Variants in ALKAL1 observed in about 807,000 individuals in gnomAD.
The protein encoded by ALKAL1 is AUG-beta.
A neutral mutation model predicts 13.5 loss-of-function variants in ALKAL1; 23 were observed. The observed-to-expected ratio is 1.70, with a 90% CI of 1.23 to 2.41. ALKAL1 has a LOEUF of 2.41. ALKAL1 is among the 30% of genes most tolerant of loss of function. The pLI is 0.00. For missense variants in ALKAL1, 181 were observed against 178.4 expected, an observed-to-expected ratio of 1.01 and a Z score of -0.08; for synonymous variants, 85 against 77.7, an observed-to-expected ratio of 1.09 and a Z score of -0.49.
intron 1 of ALKAL1, among the ~76,000 whole-genome samples, chr8:52,556,815 T>C (rs1847489044): frequency 6.6e-6 from 1 of 152,172 alleles, no homozygotes; most frequent in African/African-American, 2.4e-5. Flanking sequence ...CCTTTCTTTC[T>C]TGTGAAGTAT....
At chr8:52,540,416 C>A (rs929669118) in intron 2 of ALKAL1, among the ~76,000 whole-genome samples, 1 of 152,108 alleles carries the variant, frequency 6.6e-6, no homozygotes, top group Non-Finnish European at 1.5e-5. Flanking sequence ...CCTTTTAAAT[C>A]CAAGGTGGGC....
At chr8:52,546,760 A>C (rs541442598) in intron 1 of ALKAL1, among the ~76,000 whole-genome samples, 1 of 152,346 alleles carries the variant, frequency 6.6e-6, no homozygotes, top group South Asian at 2.1e-4. Context: ...GTAAGGGATA[A>C]ATATGTCTGC....
At chr8:52,535,592 G>GA (rs1034008636) in intron 4 of ALKAL1, among the ~76,000 whole-genome samples, 3 of 123,568 alleles carry the variant, frequency 2.4e-5, no homozygotes, top group Admixed American at 8.0e-5. Flanking sequence ...AAGAAAGAAA[G>GA]AAAAAAAAGC....
intron 1 of ALKAL1, among the ~76,000 whole-genome samples, chr8:52,543,360 C>G (rs12546704): frequency 0.21 from 31,320 of 152,122 alleles, 4,013 homozygotes; most frequent in East Asian, 0.65. Context: ...ACTTCGCCAG[C>G]ACAAGGCAGT....
intron 4 of ALKAL1, among the ~76,000 whole-genome samples, chr8:52,537,352 C>A (rs901527947): frequency 3.3e-5 from 5 of 152,048 alleles, no homozygotes; most frequent in Admixed American, 2.0e-4. Context: ...GAAAAAGGAA[C>A]CTTTATATAC....
intron 1 of ALKAL1, among the ~76,000 whole-genome samples, chr8:52,563,290 G>A (rs570331245): frequency 1.3e-5 from 2 of 152,182 alleles, no homozygotes; most frequent in Admixed American, 6.5e-5. Flanking sequence ...AAAATTAGCC[G>A]GGCGTGGTGG....
At chr8:52,560,551 T>A (rs1324374598) in intron 1 of ALKAL1, among the ~76,000 whole-genome samples, 1 of 152,226 alleles carries the variant, frequency 6.6e-6, no homozygotes, top group Non-Finnish European at 1.5e-5. Flanking sequence ...GTTTTAATCC[T>A]AGGTTTTCCT....
At chr8:52,544,346 A>G (rs1381222813) in intron 1 of ALKAL1, among the ~76,000 whole-genome samples, 1 of 152,222 alleles carries the variant, frequency 6.6e-6, no homozygotes, top group Admixed American at 6.5e-5. Context: ...TTAAGTTGAC[A>G]CCCGAAGTAA....
chr8:52,564,985 C>A, intron 1 of ALKAL1, 82 bp downstream of exon 1: 2 of 1,142,474 alleles, frequency 1.8e-6, no homozygotes, highest in South Asian at 2.8e-5. Context: ...CTTCCCAAAG[C>A]GAGTGCCTCG....
At chr8:52,556,504 G>A (rs1380429857) in intron 1 of ALKAL1, among the ~76,000 whole-genome samples, 3 of 151,638 alleles carry the variant, frequency 2.0e-5, no homozygotes, top group Admixed American at 6.6e-5. Flanking sequence ...AAAATTAGCC[G>A]GGCGTGGTGG....
chr8:52,560,272 G>C (rs1184782154), intron 1 of ALKAL1, among the ~76,000 whole-genome samples: 1 of 152,040 alleles, frequency 6.6e-6, no homozygotes, highest in African/African-American at 2.4e-5. Flanking sequence ...TTTCACGTAT[G>C]ATATAAATAT....
chr8:52,546,549 G>T (rs550879234), intron 1 of ALKAL1, among the ~76,000 whole-genome samples: 65 of 152,200 alleles, frequency 4.3e-4, no homozygotes, highest in Non-Finnish European at 7.6e-4. Flanking sequence ...TTAGCTCATA[G>T]CTTATGCCCC....
chr8:52,563,693 C>T (rs1036855646), intron 1 of ALKAL1, among the ~76,000 whole-genome samples: 10 of 152,184 alleles, frequency 6.6e-5, no homozygotes, highest in Non-Finnish European at 1.0e-4. Context: ...GCTGCATGGC[C>T]GTGCTGCGGA....
At position 52,542,402 on chromosome 8, in the gene ALKAL1, C is replaced by T; in HGVS notation, c.234G>A (p.Lys78=). The T allele has an allele frequency of 6.5e-7, 1 of 1,541,424 alleles. No individual in the cohort carries two copies. Among genetic ancestry groups the T allele is most frequent in the East Asian group, 2.2e-5 (1 of 44,492 alleles). ...ACATTTTGTACTTACCTGTGAAATG[C>T]TTTATGAATTTGTCTTTTAAGTTAG... is the stretch of plus-strand genomic sequence containing the variant. ...RDSNLKDKFI[K]HFTGPVTFSP... Residue 78 remains lysine, a synonymous_variant, in exon 2 of 5, where the codon AAG becomes AAA. Coordinates refer to ENST00000358543, the MANE Select transcript of ALKAL1 (RefSeq NM_207413.4).
At position 52,538,476 on chromosome 8, in the gene ALKAL1, T is replaced by C. The variant is rs373158587; in HGVS notation, c.357A>G (p.Arg119=). The C allele has an allele frequency of 2.8e-5, 45 of 1,610,992 alleles. 1 individual carries two copies. In the East Asian group the frequency reaches 4.5e-4, roughly 16 times the overall value. Reference sequence around the variant, plus strand: ...GGGAGCACAGTGGACTCACTGCTAATCTTGTTAACAATCTAGCACATCTTT... The same window carrying C: ...GGGAGCACAGTGGACTCACTGCTAACCTTGTTAACAATCTAGCACATCTTT... ...YYKRCARLLT[R]LAVSPLCSQT is the part of the protein sequence containing the mutation. Residue 119 remains arginine (R), a synonymous_variant, in exon 4 of 5, where the codon AGA becomes AGG. Transcript: ENST00000358543.
In ALKAL1 at chr8:52,552,115, G is replaced by A. The variant is rs74737205; in HGVS notation, c.191-9670C>T. Among the ~76,000 whole-genome samples, 261 of 152,202 alleles carry A rather than the reference G, an allele frequency of 1.7e-3. 2 individuals are homozygous for A. In the East Asian group the frequency reaches 0.04, roughly 23 times the overall value. Reference sequence around the variant, plus strand: ...ATGTCTCCTTAGGCGCCTCTTGGCCGTGATAGTCTCTCAAAATTTCCTTGT... The same window carrying A: ...ATGTCTCCTTAGGCGCCTCTTGGCCATGATAGTCTCTCAAAATTTCCTTGT... On this transcript the variant is annotated intron_variant, in intron 1 of 4. Transcript: ENST00000358543.
rs543868597 is a variant in ALKAL1 at position 52,553,174 on chromosome 8, T to C, written c.191-10729A>G. 5.3e-5 allele frequency among the ~76,000 whole-genome samples: 8 copies of C among 152,004 alleles called. No homozygotes were observed. The South Asian group carries it at 1.7e-3, about 32-fold the overall frequency. ...ACCAGCCTGCACAACATAGCGAGAC[T>C]CTATCTCTACAAAAAATTTTAAAAT... On this transcript the variant is annotated intron_variant, in intron 1 of 4. Coordinates refer to ENST00000358543, the MANE Select transcript of ALKAL1 (RefSeq NM_207413.4).
chr8:52,548,824 T>C (rs912931500), intron 1 of ALKAL1, among the ~76,000 whole-genome samples: 2 of 152,184 alleles, frequency 1.3e-5, no homozygotes, highest in African/African-American at 2.4e-5. Flanking sequence ...AGTTGCCATC[T>C]GCAGCCCTCC....
At chr8:52,554,388 T>C (rs961497051) in intron 1 of ALKAL1, among the ~76,000 whole-genome samples, 8 of 152,332 alleles carry the variant, frequency 5.3e-5, no homozygotes, top group African/African-American at 1.7e-4. Flanking sequence ...TGTTCTTGGA[T>C]TAGGCAGTGA....
Sources: gnomAD v4.1 joint callset for allele counts (sites outside exome capture counted in the v4.1 genomes callset) on GRCh38, gnomAD v4.1.1 for gene constraint, MANE v1.5 for transcripts, NCBI Gene and HGNC (gene_info 2026-07-23, HGNC 2026-07-21) for gene names.